The following SLC16A11 variants were observed in gnomAD, a reference collection of about 807,000 sequenced individuals.
SLC16A11 encodes solute carrier family 16 member 11.
A neutral mutation model predicts 26.0 loss-of-function variants in SLC16A11; 24 were observed. The ratio of observed to expected loss-of-function variants is 0.92; its 90% confidence interval spans 0.67 to 1.30. SLC16A11 has a LOEUF of 1.30. Among genes scored for constraint, SLC16A11 ranks in the 50% most tolerant of loss-of-function variants. SLC16A11 has a pLI of 0.00. For missense variants in SLC16A11, 638 were observed against 597.7 expected, an observed-to-expected ratio of 1.07 and a Z score of -0.70; for synonymous variants, 332 against 296.0, an observed-to-expected ratio of 1.12 and a Z score of -1.25.
chr17:7,042,897 C>T lies in SLC16A11; in HGVS notation c.346+33G>A. On this transcript the variant is annotated intron_variant, in intron 3 of 4. Transcript: ENST00000574600. The surrounding 1 kb of genome is among the most constrained non-coding windows in gnomAD (Gnocchi z 5.9). ...CAACAAGCTCCTGTCACCTCCTTCA[C>T]CCTGAATGACCCGGGCATCCCACTT... 1.9e-6 allele frequency: 3 copies of T among 1,612,382 alleles called. No homozygotes were observed. Among genetic ancestry groups the T allele is most frequent in the Non-Finnish European group, 2.5e-6 (3 of 1,179,646 alleles).
Position 7,043,503 on chromosome 17 carries a change from TG to T in SLC16A11, c.10del (p.Gln4SerfsTer21), listed in dbSNP as rs139324407. 6.3e-7 allele frequency: 1 copy of T among 1,598,716 alleles called. No homozygotes were observed. Reference sequence around the variant, plus strand: ...GCCCCCATCCGGGGGTCCGGCGGGCTGGGGGGTCATCGCCGTCTGCGGGGTG... The same window carrying T: ...GCCCCCATCCGGGGGTCCGGCGGGCTGGGGGTCATCGCCGTCTGCGGGGTG... Reference protein sequence around the residue: MTPQPAGPPDGGWG... With the variant: MTPXPAGPPDGGWG... On this transcript the variant is annotated frameshift_variant, in exon 2 of 5. Transcript: ENST00000574600. LOFTEE classifies it high-confidence loss of function.
rs745440828 is a variant in SLC16A11 at position 7,042,087 on chromosome 17, G to A, written c.1023C>T (p.Pro341=). The A allele has an allele frequency of 3.7e-6, 6 of 1,606,642 alleles. No individual in the cohort carries two copies. Among genetic ancestry groups the A allele is most frequent in the Admixed American group, 1.7e-5 (1 of 59,544 alleles). Reference sequence around the variant, plus strand: ...CCACACCTCCGACGCCCACCAGCCCGGGGAGTACACCGAAAACCAGCGGGG... The same window carrying A: ...CCACACCTCCGACGCCCACCAGCCCAGGGAGTACACCGAAAACCAGCGGGG... ...SYAPLVFGVL[P]GLVGVGGVVQ... Residue 341 remains proline, a synonymous_variant, in exon 4 of 5, where the codon CCC becomes CCT. Transcript: ENST00000574600. The surrounding 1 kb of genome is among the most constrained non-coding windows in gnomAD (Gnocchi z 5.9).
Position 7,042,093 on chromosome 17 carries a change from T to C in SLC16A11, c.1017A>G (p.Val339=), listed in dbSNP as rs1046191561. The C allele has an allele frequency of 3.7e-6, 6 of 1,605,984 alleles. No homozygotes were observed. The highest frequency in any genetic ancestry group is 1.3e-5 in the African/African-American group (1 of 74,488). Residue 339 remains valine, a synonymous_variant, in exon 4 of 5, where the codon GTA becomes GTG. Coordinates refer to ENST00000574600, the MANE Select transcript of SLC16A11 (RefSeq NM_001370549.1). This position sits in a 1 kb window ranked among gnomAD's most constrained non-coding sequence, Gnocchi z 5.9. ...AGSYAPLVFG[V]LPGLVGVGGV... is the part of the protein sequence containing the mutation. ...CTCCGACGCCCACCAGCCCGGGGAGTACACCGAAAACCAGCGGGGCGTAAC... is the reference window on the plus strand; with the variant it reads ...CTCCGACGCCCACCAGCCCGGGGAGCACACCGAAAACCAGCGGGGCGTAAC...
Position 7,042,462 on chromosome 17 carries a change from T to C in SLC16A11, c.648A>G (p.Thr216=). ...GAGCAAAGATTGAGAAGGCCCGGCGTGTGAACAGACTCAGGCCGAGGGCAG... is the reference window on the plus strand; with the variant it reads ...GAGCAAAGATTGAGAAGGCCCGGCGCGTGAACAGACTCAGGCCGAGGGCAG... ...PLAALGLSLF[T]RRAFSIFALG... is the part of the protein sequence containing the mutation. Residue 216 remains threonine, a synonymous_variant, in exon 4 of 5, where the codon ACA becomes ACG. Transcript: ENST00000574600. This position sits in a 1 kb window ranked among gnomAD's most constrained non-coding sequence, Gnocchi z 5.9. 6.4e-7 allele frequency: 1 copy of C among 1,557,074 alleles called. No homozygotes were observed. The highest frequency in any genetic ancestry group is 1.2e-5 in the South Asian group (1 of 84,648).
At position 7,043,304 on chromosome 17, in the gene SLC16A11, C is replaced by T. The variant is rs1910851227; in HGVS notation, c.202+8G>A. ...CGTTCCTGTCTCCCGCCTCAGGGCC[C>T]CCCTCACTGGCTGCCTGCTGCACGG... On this transcript the variant is annotated splice_region_variant and intron_variant, in intron 2 of 4. Coordinates refer to ENST00000574600, the MANE Select transcript of SLC16A11 (RefSeq NM_001370549.1). The T allele has an allele frequency of 6.2e-7, 1 of 1,601,168 alleles. No homozygotes were observed. Among genetic ancestry groups the T allele is most frequent in the Non-Finnish European group, 8.5e-7 (1 of 1,174,850 alleles).
chr17:7,042,848 C>T lies in SLC16A11; in HGVS notation c.346+82G>A. On this transcript the variant is annotated intron_variant, in intron 3 of 4. Transcript: ENST00000574600. The surrounding 1 kb of genome is among the most constrained non-coding windows in gnomAD (Gnocchi z 5.9). ...AGCCCGGCTCTCCGCACCAGGCCCC[C>T]GCCTCGTTCGCTACCCCAGATCCCA... 3 of 1,589,338 alleles carry T rather than the reference C, an allele frequency of 1.9e-6. No individual in the cohort carries two copies. The highest frequency in any genetic ancestry group is 3.5e-5 in the Admixed American group (2 of 56,638).
Position 7,041,676 on chromosome 17 carries a change from T to A in SLC16A11, c.*3A>T, listed in dbSNP as rs759337007. ...TGGGGGAGGGGCTCAAACAAGAAAA[T>A]AATCAACAAGTGGTGTCCAGAGTGG... On this transcript the variant is annotated 3_prime_UTR_variant, in exon 5 of 5. Coordinates refer to ENST00000574600, the MANE Select transcript of SLC16A11 (RefSeq NM_001370549.1). 6.4e-7 allele frequency: 1 copy of A among 1,571,078 alleles called. No individual in the cohort carries two copies. The highest frequency in any genetic ancestry group is 8.6e-7 in the Non-Finnish European group (1 of 1,160,206).
Position 7,042,297 on chromosome 17 carries a change from C to A in SLC16A11, c.813G>T (p.Leu271=). ...VAAMGDAGAR[L]VCGWLADQGW... is the part of the protein sequence containing the mutation. The stretch of plus-strand genomic sequence containing the variant: ...CTTGGTCTGCCAGCCACCCGCAGAC[C>A]AGCCGGGCGCCCGCATCCCCCATCG... Residue 271 remains leucine, a synonymous_variant, in exon 4 of 5, where the codon CTG becomes CTT. Coordinates refer to ENST00000574600, the MANE Select transcript of SLC16A11 (RefSeq NM_001370549.1). The surrounding 1 kb of genome is among the most constrained non-coding windows in gnomAD (Gnocchi z 5.9). 1 of 1,554,852 alleles carries A rather than the reference C, an allele frequency of 6.4e-7. No homozygotes were observed.
intron 2 of SLC16A11, 106 bp from the exon 3 acceptor site, chr17:7,043,179 TG>T (rs994495957): frequency 6.8e-7 from 1 of 1,461,572 alleles, no homozygotes; most frequent in African/African-American, 1.4e-5. Flanking sequence ...TTCTTCTCCT[TG>T]ACCTCAAGAT....
chr17:7,042,120 CCCCGCGCTCAGCCCATAGGCCACA>C lies in SLC16A11; in HGVS notation c.966_989del (p.Val323_Gly330del). On this transcript the variant is annotated inframe_deletion, in exon 4 of 5. Transcript: ENST00000574600. This position sits in a 1 kb window ranked among gnomAD's most constrained non-coding sequence, Gnocchi z 5.9. ...CACCGAAAACCAGCGGGGCGTAACT[CCCCGCGCTCAGCCCATAGGCCACA>C]GCCGCGGCCAGCAGGGGACCCCCCC... The C allele has an allele frequency of 6.2e-7, 1 of 1,600,320 alleles. No individual in the cohort carries two copies. Among genetic ancestry groups the C allele is most frequent in the Non-Finnish European group, 8.5e-7 (1 of 1,173,566 alleles).
chr17:7,043,208 C>G (rs1910846061), intron 2 of SLC16A11, 104 bp downstream of exon 2: 3 of 1,490,144 alleles, frequency 2.0e-6, no homozygotes, highest in Non-Finnish European at 2.7e-6. Context: ...TTTCTAGAGC[C>G]GGTTGCCCTT....
intron 2 of SLC16A11, 107 bp downstream of exon 2, chr17:7,043,205 A>T (rs1272133876): frequency 6.7e-7 from 1 of 1,485,852 alleles, no homozygotes; most frequent in Non-Finnish European, 8.9e-7. Context: ...TCTTTTCTAG[A>T]GCCGGTTGCC....
Position 7,042,772 on chromosome 17 carries a change from G to T in SLC16A11, c.347-9C>A. 1 of 1,540,218 alleles carries T rather than the reference G, an allele frequency of 6.5e-7. No individual in the cohort carries two copies. The highest frequency in any genetic ancestry group is 8.7e-7 in the Non-Finnish European group (1 of 1,145,692). The stretch of plus-strand genomic sequence containing the variant: ...CAGGGCCCAACCAAAGCCTGCGAAT[G>T]AATAGGAGGGGATGGGGGCCGGCAC... On this transcript the variant is annotated splice_polypyrimidine_tract_variant and intron_variant, in intron 3 of 4. Transcript: ENST00000574600. The surrounding 1 kb of genome is among the most constrained non-coding windows in gnomAD (Gnocchi z 5.9).
rs1401496925 is a variant in SLC16A11, at chr17:7,042,542, G to T, written c.568C>A (p.Leu190Met). Residue 190 changes from leucine (L) to methionine (M), a missense_variant, in exon 4 of 5, where the codon CTG (leucine) becomes ATG (methionine). By Grantham distance (15) the Leu-to-Met change is conservative. Coordinates refer to ENST00000574600, the MANE Select transcript of SLC16A11 (RefSeq NM_001370549.1). This position sits in a 1 kb window ranked among gnomAD's most constrained non-coding sequence, Gnocchi z 5.9. ...TCTCCAGGAAGGACCAGGGGTAGCA[G>T]CAGGGCGCCACAGGGGGTGAGGTGG... ...TLHLTPCGALLLPLVLPGDPP... is the reference protein window; with the variant it reads ...TLHLTPCGALMLPLVLPGDPP... The T allele has an allele frequency of 7.6e-6, 12 of 1,574,764 alleles. No individual in the cohort carries two copies. The highest frequency in any genetic ancestry group is 1.0e-5 in the Non-Finnish European group (12 of 1,161,366).
Position 7,041,673 on chromosome 17 carries a change from AAAT to A in SLC16A11, c.*3_*5del. 2 of 1,572,810 alleles carry A rather than the reference AAAT, an allele frequency of 1.3e-6. No individual in the cohort carries two copies. The highest frequency in any genetic ancestry group is 8.6e-7 in the Non-Finnish European group (1 of 1,161,216). ...TATTGGGGGAGGGGCTCAAACAAGA[AAAT>A]AATCAACAAGTGGTGTCCAGAGTGG... On this transcript the variant is annotated 3_prime_UTR_variant, in exon 5 of 5. Coordinates refer to ENST00000574600, the MANE Select transcript of SLC16A11 (RefSeq NM_001370549.1).
In SLC16A11 at chr17:7,042,382, G is replaced by A. The variant is rs1910791040; in HGVS notation, c.728C>T (p.Pro243Leu). 6.4e-7 allele frequency: 1 copy of A among 1,565,986 alleles called. No homozygotes were observed. The highest frequency in any genetic ancestry group is 1.9e-5 in the Admixed American group (1 of 53,894). ...GYFVPYVHLAPHALDRGLGGY... is the reference protein window; with the variant it reads ...GYFVPYVHLALHALDRGLGGY... ...CCCCAGGCCCCGGTCTAAAGCGTGG[G>A]GAGCCAAGTGCACGTAAGGAACGAA... is the stretch of plus-strand genomic sequence containing the variant. Residue 243 changes from proline (P) to leucine (L), a missense_variant, in exon 4 of 5, where the codon CCC becomes CTC. Pro to Leu is a moderately conservative substitution (Grantham distance 98). Transcript: ENST00000574600. This position sits in a 1 kb window ranked among gnomAD's most constrained non-coding sequence, Gnocchi z 5.9.
chr17:7,042,113 C>T lies in SLC16A11; in HGVS notation c.997G>A (p.Ala333Thr). 6.2e-7 allele frequency: 1 copy of T among 1,602,234 alleles called. No homozygotes were observed. The highest frequency in any genetic ancestry group is 1.1e-5 in the South Asian group (1 of 90,110). ...VAYGLSAGSY[A>T]PLVFGVLPGL... The stretch of plus-strand genomic sequence containing the variant: ...GGGAGTACACCGAAAACCAGCGGGG[C>T]GTAACTCCCCGCGCTCAGCCCATAG... Residue 333 changes from alanine to threonine, a missense_variant, in exon 4 of 5, where the codon GCC (alanine) becomes ACC (threonine). Ala to Thr is a moderately conservative substitution (Grantham distance 58). Coordinates refer to ENST00000574600, the MANE Select transcript of SLC16A11 (RefSeq NM_001370549.1). This position sits in a 1 kb window ranked among gnomAD's most constrained non-coding sequence, Gnocchi z 5.9.
chr17:7,043,579 C>A, intron 1 of SLC16A11, 60 bp from the exon 2 acceptor site: 1 of 1,542,840 alleles, frequency 6.5e-7, no homozygotes, highest in Non-Finnish European at 8.7e-7. Flanking sequence ...CGCTGGGGAG[C>A]TGGCATCCCT....
At position 7,042,074 on chromosome 17, in the gene SLC16A11, C is replaced by G. The variant is rs756009338; in HGVS notation, c.1036G>C (p.Val346Leu). The G allele has an allele frequency of 1.9e-6, 3 of 1,606,524 alleles. No homozygotes were observed. The highest frequency in any genetic ancestry group is 1.1e-5 in the South Asian group (1 of 90,508). The change falls in exon 4 of 5, where the codon GTC becomes CTC. Residue 346 changes from valine to leucine, a missense_variant. Coordinates refer to ENST00000574600, the MANE Select transcript of SLC16A11 (RefSeq NM_001370549.1). The surrounding 1 kb of genome is among the most constrained non-coding windows in gnomAD (Gnocchi z 5.9). ...VFGVLPGLVGVGGVVQATGLV... is the reference protein window; with the variant it reads ...VFGVLPGLVGLGGVVQATGLV... ...CCTGTGGCCTGCACCACACCTCCGA[C>G]GCCCACCAGCCCGGGGAGTACACCG...
Sources: allele counts gnomAD v4.1 joint callset, GRCh38; gene constraint gnomAD v4.1.1; non-coding constraint Gnocchi (gnomAD v3.1); transcripts MANE v1.5; gene names NCBI Gene and HGNC (gene_info 2026-07-23, HGNC 2026-07-21).